SH3GL2: variants seen among roughly 807,000 people sequenced by gnomAD.
SH3GL2 encodes endophilin-A1.
In SH3GL2, 24 loss-of-function variants were observed where a neutral mutation model predicts 46.0. That is an observed-to-expected ratio of 0.52 (90% CI 0.38 to 0.73). SH3GL2 has a LOEUF of 0.73. SH3GL2 is among the 30% of genes least tolerant of loss of function. The probability of loss-of-function intolerance (pLI) is 0.00; values close to 1 mark genes in which losing one functional copy is unlikely to be tolerated. For synonymous variants in SH3GL2, 196 were observed against 147.1 expected, an observed-to-expected ratio of 1.33 and a Z score of -2.40; for missense variants, 413 against 424.2, an observed-to-expected ratio of 0.97 and a Z score of 0.23.
At chr9:17,669,340 C>T (rs1820417749) in intron 1 of SH3GL2, among the ~76,000 whole-genome samples, 1 of 152,126 alleles carries the variant, frequency 6.6e-6, no homozygotes, top group Admixed American at 6.5e-5. Flanking sequence ...TATATAGGTT[C>T]AAGTGTTCAC....
At chr9:17,714,489 A>T (rs1400504514) in intron 1 of SH3GL2, among the ~76,000 whole-genome samples, 1 of 150,676 alleles carries the variant, frequency 6.6e-6, no homozygotes, top group Non-Finnish European at 1.5e-5. Flanking sequence ...AATGATTCTG[A>T]TTTATCTTCC....
chr9:17,741,366 G>T (rs796862576), intron 1 of SH3GL2, among the ~76,000 whole-genome samples: 10 of 152,248 alleles, frequency 6.6e-5, no homozygotes, highest in African/African-American at 2.4e-4. Context: ...ACGGTAGCAA[G>T]ATTAAGAAAA....
rs1384308618 is a variant in SH3GL2, at chr9:17,793,424, C to T, written c.786C>T (p.Ser262=). Residue 262 remains serine, a synonymous_variant, in exon 8 of 9, where the codon AGC becomes AGT. Coordinates refer to ENST00000380607, the MANE Select transcript of SH3GL2 (RefSeq NM_003026.5). ...RREYQPKPRM[S]LEFPTGDSTQ... is the part of the protein sequence containing the mutation. ...AATATCAACCTAAACCACGAATGAG[C>T]CTGGAGTTTCCAACTGGAGACAGTA... 1.2e-6 allele frequency: 2 copies of T among 1,612,354 alleles called. No individual in the cohort carries two copies. Among genetic ancestry groups the T allele is most frequent in the African/African-American group, 1.3e-5 (1 of 74,930 alleles).
intron 3 of SH3GL2, among the ~76,000 whole-genome samples, chr9:17,779,045 G>T (rs545301175): frequency 4.6e-5 from 7 of 152,172 alleles, no homozygotes; most frequent in Admixed American, 3.9e-4. Context: ...AGCCTGCAGA[G>T]ATACATGAGA....
intron 1 of SH3GL2, among the ~76,000 whole-genome samples, chr9:17,648,588 CTTG>C (rs1819883071): frequency 6.6e-6 from 1 of 152,058 alleles, no homozygotes. Flanking sequence ...TGAATATTTT[CTTG>C]TTGTCATTAT....
intron 1 of SH3GL2, among the ~76,000 whole-genome samples, chr9:17,608,624 G>C (rs1012408830): frequency 1.3e-5 from 2 of 152,200 alleles, no homozygotes; most frequent in East Asian, 3.9e-4. Flanking sequence ...TCTAGGCAAA[G>C]TATTATCAGG....
intron 1 of SH3GL2, among the ~76,000 whole-genome samples, chr9:17,723,213 A>G (rs989922307): frequency 6.6e-6 from 1 of 152,016 alleles, no homozygotes; most frequent in African/African-American, 2.4e-5. Flanking sequence ...AGTATTTTTT[A>G]TGTTTTTTAT....
chr9:17,613,440 C>T (rs1272135638), intron 1 of SH3GL2, among the ~76,000 whole-genome samples: 2 of 151,974 alleles, frequency 1.3e-5, no homozygotes, highest in African/African-American at 4.8e-5. Flanking sequence ...ACAACAATGG[C>T]AATATTTTTG....
At position 17,590,656 on chromosome 9, in the gene SH3GL2, C is replaced by T. The variant is rs1818464934; in HGVS notation, c.45+11369C>T. ...TTATAGTGCTCATCGTCCCTATGTTCTAGACATGGAAAGCTCCTTTTCCCT... is the reference window on the plus strand; with the variant it reads ...TTATAGTGCTCATCGTCCCTATGTTTTAGACATGGAAAGCTCCTTTTCCCT... On this transcript the variant is annotated intron_variant, in intron 1 of 8. Coordinates refer to ENST00000380607, the MANE Select transcript of SH3GL2 (RefSeq NM_003026.5). 2.0e-5 allele frequency: 3 copies of T among 152,192 alleles called. No individual in the cohort carries two copies. In the South Asian group the frequency reaches 6.2e-4, roughly 32 times the overall value. 9.4% of individuals were successfully genotyped at this position (152,192 alleles called of 1,614,324 possible). A position where few individuals can be genotyped will look rare whatever the true frequency, so the allele number is the denominator to read the frequency against.
intron 1 of SH3GL2, among the ~76,000 whole-genome samples, chr9:17,629,252 A>G (rs1819365637): frequency 6.6e-6 from 1 of 152,178 alleles, no homozygotes; most frequent in Admixed American, 6.5e-5. Context: ...TGAAATTCCC[A>G]TTGTGTTTTA....
At chr9:17,697,140 T>A (rs1024384175) in intron 1 of SH3GL2, among the ~76,000 whole-genome samples, 3 of 152,152 alleles carry the variant, frequency 2.0e-5, no homozygotes, top group African/African-American at 4.8e-5. Context: ...CTGGATAGAT[T>A]GATTGCTAAC....
chr9:17,677,683 G>C (rs1162406724), intron 1 of SH3GL2, among the ~76,000 whole-genome samples: 2 of 151,822 alleles, frequency 1.3e-5, no homozygotes, highest in African/African-American at 4.8e-5. Flanking sequence ...ACAACGTGCA[G>C]GTTTGTTACA....
At chr9:17,723,660 C>T (rs886493608) in intron 1 of SH3GL2, among the ~76,000 whole-genome samples, 10 of 152,096 alleles carry the variant, frequency 6.6e-5, no homozygotes, top group Non-Finnish European at 1.0e-4. Context: ...GACTCTGTCT[C>T]AGAATTTCCT....
At chr9:17,623,471 C>T (rs1368010728) in intron 1 of SH3GL2, among the ~76,000 whole-genome samples, 2 of 152,012 alleles carry the variant, frequency 1.3e-5, no homozygotes, top group Non-Finnish European at 2.9e-5. Context: ...AGAAGGTTGC[C>T]TGTGAAGGAC....
intron 1 of SH3GL2, among the ~76,000 whole-genome samples, chr9:17,595,719 T>C (rs1047654612): frequency 6.6e-6 from 1 of 152,142 alleles, no homozygotes; most frequent in South Asian, 2.1e-4. Flanking sequence ...GGGCAATATT[T>C]ATTGCAGTAG....
intron 1 of SH3GL2, among the ~76,000 whole-genome samples, chr9:17,656,788 C>A (rs2147730): frequency 0.4 from 52,865 of 130,608 alleles, 10,753 homozygotes; most frequent in South Asian, 0.61. Context: ...AAAAAAAAAA[C>A]AAAAAAGGCT....
At chr9:17,622,320 G>A (rs1051214860) in intron 1 of SH3GL2, among the ~76,000 whole-genome samples, 1 of 152,170 alleles carries the variant, frequency 6.6e-6, no homozygotes, top group South Asian at 2.1e-4. Context: ...GCCATCTGCA[G>A]TGTCTAAATG....
chr9:17,697,367 G>C (rs1476527463), intron 1 of SH3GL2, among the ~76,000 whole-genome samples: 1 of 151,854 alleles, frequency 6.6e-6, no homozygotes, highest in African/African-American at 2.4e-5. Context: ...GGGATTACAG[G>C]TGCACGCCAC....
At chr9:17,627,153 T>C (rs1819300934) in intron 1 of SH3GL2, among the ~76,000 whole-genome samples, 1 of 152,192 alleles carries the variant, frequency 6.6e-6, no homozygotes, top group South Asian at 2.1e-4. Flanking sequence ...CCAGAGTTTT[T>C]TCAATACACT....
Sources: allele counts gnomAD v4.1 joint callset (sites outside exome capture counted in the v4.1 genomes callset), GRCh38; gene constraint gnomAD v4.1.1; transcripts MANE v1.5; gene names NCBI Gene and HGNC (gene_info 2026-07-23, HGNC 2026-07-21).